The following GABRA2 variants were observed in gnomAD, a reference collection of about 807,000 sequenced individuals.
GABRA2 encodes gamma-aminobutyric acid type A receptor subunit alpha2, also known as gamma-aminobutyric acid receptor subunit alpha-2.
A neutral mutation model predicts 48.7 loss-of-function variants in GABRA2; 16 were observed. That is an observed-to-expected ratio of 0.33 (90% CI 0.22 to 0.50). The LOEUF is 0.50. GABRA2 is among the 20% of genes least tolerant of loss of function. The pLI is 0.98. For missense variants in GABRA2, 275 were observed against 535.6 expected, an observed-to-expected ratio of 0.51 and a Z score of 4.80; for synonymous variants, 185 against 184.5, an observed-to-expected ratio of 1.00 and a Z score of -0.02.
At chr4:46,385,197 A>T (rs1251305558) in intron 3 of GABRA2, among the ~76,000 whole-genome samples, 1 of 151,408 alleles carries the variant, frequency 6.6e-6, no homozygotes, top group Non-Finnish European at 1.5e-5. Context: ...GCAACTTAGC[A>T]TTGCAAAGTC....
intron 8 of GABRA2, among the ~76,000 whole-genome samples, chr4:46,267,630 T>G (rs1390698691): frequency 6.6e-6 from 1 of 152,106 alleles, no homozygotes; most frequent in Admixed American, 6.6e-5. Flanking sequence ...GTTGAAGTAC[T>G]TATTGTTTGT....
intron 8 of GABRA2, among the ~76,000 whole-genome samples, chr4:46,273,930 A>C (rs1719986483): frequency 6.6e-6 from 1 of 152,072 alleles, no homozygotes; most frequent in Non-Finnish European, 1.5e-5. Flanking sequence ...TTTAGGTAAC[A>C]AACTGAAAAT....
rs2109354597 is a variant in GABRA2 at position 46,245,193 on chromosome 4, A to G, written c.*5115T>C. ...GAACTAATATGCATAAAAAACTTAGAACGTTGACTAGTATGTGATGGGCTC... is the reference window on the plus strand; with the variant it reads ...GAACTAATATGCATAAAAAACTTAGGACGTTGACTAGTATGTGATGGGCTC... On this transcript the variant is annotated 3_prime_UTR_variant, in exon 10 of 10. Coordinates refer to ENST00000381620, the MANE Select transcript of GABRA2 (RefSeq NM_000807.4). 6.6e-6 allele frequency among the ~76,000 whole-genome samples: 1 copy of G among 151,378 alleles called. No homozygotes were observed. Among genetic ancestry groups the G allele is most frequent in the South Asian group, 2.1e-4 (1 of 4,822 alleles).
chr4:46,285,815 A>ACATAGG (rs1428130916), intron 8 of GABRA2, among the ~76,000 whole-genome samples: 5 of 151,804 alleles, frequency 3.3e-5, no homozygotes, highest in Admixed American at 1.3e-4. Context: ...ACATTTGGCC[A>ACATAGG]TACCTATGGT....
At chr4:46,278,708 T>C (rs1325569255) in intron 8 of GABRA2, among the ~76,000 whole-genome samples, 1 of 152,116 alleles carries the variant, frequency 6.6e-6, no homozygotes, top group African/African-American at 2.4e-5. Flanking sequence ...CATTTCCTTA[T>C]AGATTTCAAG....
rs1295757629 is a variant in GABRA2 at position 46,310,076 on chromosome 4, T to C, written c.559+97A>G. The C allele has an allele frequency of 2.1e-5, 17 of 792,038 alleles. No homozygotes were observed. In the East Asian group the frequency reaches 4.0e-4, roughly 19 times the overall value. The allele number at this position is 792,038 out of a possible 1,614,324, so 49.1% of individuals were successfully genotyped here. On this transcript the variant is annotated intron_variant, in intron 6 of 9. Coordinates refer to ENST00000381620, the MANE Select transcript of GABRA2 (RefSeq NM_000807.4). ...AAGTCTTATTGACAATTGTCAATCA[T>C]CTCATAATTTGAGAAAAAAACTAGA...
At chr4:46,327,896 A>G (rs1254151306) in intron 4 of GABRA2, among the ~76,000 whole-genome samples, 2 of 152,064 alleles carry the variant, frequency 1.3e-5, no homozygotes, top group East Asian at 3.9e-4. Flanking sequence ...CTAACACTTC[A>G]CAATAGACAA....
intron 8 of GABRA2, among the ~76,000 whole-genome samples, chr4:46,268,903 T>C (rs1325251166): frequency 2.6e-5 from 4 of 151,852 alleles, no homozygotes; most frequent in Non-Finnish European, 5.9e-5. Flanking sequence ...TGAATAAAAT[T>C]GGAGAATATT....
In GABRA2 at chr4:46,290,391, T is replaced by C. The variant is rs556738481; in HGVS notation, c.856+13069A>G. Among the ~76,000 whole-genome samples, 5 of 149,790 alleles carry C rather than the reference T, an allele frequency of 3.3e-5. No homozygotes were observed. In the South Asian group the frequency reaches 8.4e-4, roughly 25 times the overall value. Reference sequence around the variant, plus strand: ...ATTGCTGTTTTAACAGTATTAAATCTTCCAATCTCTTAACGTAGAATGTCT... The same window carrying C: ...ATTGCTGTTTTAACAGTATTAAATCCTCCAATCTCTTAACGTAGAATGTCT... On this transcript the variant is annotated intron_variant, in intron 8 of 9. Coordinates refer to ENST00000381620, the MANE Select transcript of GABRA2 (RefSeq NM_000807.4).
At chr4:46,376,126 G>C (rs1400515906) in intron 3 of GABRA2, among the ~76,000 whole-genome samples, 1 of 151,994 alleles carries the variant, frequency 6.6e-6, no homozygotes, top group Non-Finnish European at 1.5e-5. Context: ...GCAGAGTAGA[G>C]TGGCTGGCAT....
At chr4:46,367,383 G>C (rs574307062) in intron 3 of GABRA2, 7 of 152,004 alleles carry the variant, frequency 4.6e-5, no homozygotes, top group Non-Finnish European at 7.4e-5. Context: ...AAGCACTAAG[G>C]ACACAGTAGC....
intron 3 of GABRA2, among the ~76,000 whole-genome samples, chr4:46,363,087 A>T (rs1199515567): frequency 6.6e-6 from 1 of 152,172 alleles, no homozygotes; most frequent in Non-Finnish European, 1.5e-5. Context: ...CATCTAGTCT[A>T]AAAAGTTATA....
chr4:46,326,029 C>T (rs189264247), intron 4 of GABRA2, among the ~76,000 whole-genome samples: 33 of 151,988 alleles, frequency 2.2e-4, no homozygotes, highest in African/African-American at 8.0e-4. Flanking sequence ...TGTTCTTTTG[C>T]TTAGATTTGC....
chr4:46,370,322 C>T (rs1714689431), intron 3 of GABRA2, among the ~76,000 whole-genome samples: 1 of 151,838 alleles, frequency 6.6e-6, no homozygotes, highest in Non-Finnish European at 1.5e-5. Context: ...CATTGGAATA[C>T]ACTCATATAC....
intron 8 of GABRA2, among the ~76,000 whole-genome samples, chr4:46,284,333 G>C (rs547120523): frequency 2.6e-5 from 4 of 152,188 alleles, no homozygotes; most frequent in African/African-American, 9.6e-5. Context: ...CTAGTCTCAG[G>C]AACCTCGAAA....
At chr4:46,331,891 T>C (rs1731423672) in intron 4 of GABRA2, among the ~76,000 whole-genome samples, 1 of 152,012 alleles carries the variant, frequency 6.6e-6, no homozygotes, top group Non-Finnish European at 1.5e-5. Flanking sequence ...CCTGCTAATT[T>C]TGATATTTTT....
intron 6 of GABRA2, among the ~76,000 whole-genome samples, chr4:46,308,389 G>A (rs1727069034): frequency 1.3e-5 from 2 of 152,158 alleles, no homozygotes; most frequent in African/African-American, 4.8e-5. Context: ...AGTGGGGGTA[G>A]GGAAGAAGAG....
At chr4:46,255,672 CATTT>C (rs1715673715) in intron 9 of GABRA2, among the ~76,000 whole-genome samples, 1 of 151,436 alleles carries the variant, frequency 6.6e-6, no homozygotes, top group African/African-American at 2.4e-5. Flanking sequence ...TTTAAAATGA[CATTT>C]AGTAGGTTTA....
At chr4:46,381,684 T>C (rs1339160236) in intron 3 of GABRA2, among the ~76,000 whole-genome samples, 2 of 152,138 alleles carry the variant, frequency 1.3e-5, no homozygotes, top group Non-Finnish European at 2.9e-5. Context: ...TCAGTGGAAC[T>C]CCTCCTCCCA....
Sources: gnomAD v4.1 joint callset for allele counts (sites outside exome capture counted in the v4.1 genomes callset) on GRCh38, gnomAD v4.1.1 for gene constraint, MANE v1.5 for transcripts, NCBI Gene and HGNC (gene_info 2026-07-23, HGNC 2026-07-21) for gene names.